The following OTOF variants were observed in gnomAD, a reference collection of about 807,000 sequenced individuals.
The protein encoded by OTOF is fer-1-like family member 2.
A neutral mutation model predicts 236.8 loss-of-function variants in OTOF; 218 were observed. The observed-to-expected ratio is 0.92, with a 90% confidence interval of 0.82 to 1.03. The LOEUF is 1.03. Among genes scored for constraint, OTOF ranks in the 50% least tolerant of loss-of-function variants. The pLI is 0.00. For synonymous variants in OTOF, 1,041 were observed against 1,072.5 expected (o/e 0.97, Z 0.57); for missense variants, 2,590 against 2,694.4 (o/e 0.96, Z 0.86).
rs1664663052 is a variant in OTOF, at chr2:26,465,039, G to C, written c.4800-10C>G. The C allele has an allele frequency of 6.8e-7, 1 of 1,463,818 alleles. No individual in the cohort carries two copies. Among genetic ancestry groups the C allele is most frequent in the East Asian group, 2.5e-5 (1 of 40,606 alleles). The allele number at this position is 1,463,818 out of a possible 1,614,324, so 90.7% of individuals were successfully genotyped here. Reference sequence around the variant, plus strand: ...GATATTGTAGCCATGTCTGTGGGAGGGGACACACAGGCTTGGAGGGGCTGG... The same window carrying C: ...GATATTGTAGCCATGTCTGTGGGAGCGGACACACAGGCTTGGAGGGGCTGG... On this transcript the variant is annotated splice_polypyrimidine_tract_variant and intron_variant, in intron 38 of 46. Transcript: ENST00000272371.
rs1237783638 is a variant in OTOF, at chr2:26,490,084, C to A, written c.898-344G>T. On this transcript the variant is annotated intron_variant, in intron 9 of 46. Transcript: ENST00000272371. ...CCTGGGTTCTAGTCCCCGCTCTGCA[C>A]CTTCTTAACTGTGTGGCCTTGAGCA... is the stretch of plus-strand genomic sequence containing the variant. Among the ~76,000 whole-genome samples the A allele has an allele frequency of 2.6e-5, 4 of 152,214 alleles. No individual in the cohort carries two copies. The East Asian group carries it at 7.7e-4, about 29-fold the overall frequency.
rs1665137084 is a variant in OTOF, at chr2:26,474,182, G to T, written c.3289-72C>A. The T allele has an allele frequency of 1.9e-6, 3 of 1,596,820 alleles. No individual in the cohort carries two copies. In the East Asian group the frequency reaches 6.7e-5, roughly 36 times the overall value. ...GGGTCTCTTTCCCCATGAGTTGTTT[G>T]CCATGATCTGGGGAGACAGGGAAAC... On this transcript the variant is annotated intron_variant, in intron 26 of 46. Coordinates refer to ENST00000272371, the MANE Select transcript of OTOF (RefSeq NM_194248.3).
intron 40 of OTOF, 43 bp downstream of exon 40, chr2:26,463,921 C>T: frequency 6.2e-7 from 1 of 1,613,056 alleles, no homozygotes; most frequent in East Asian, 2.2e-5. Flanking sequence ...GATCCCTGGT[C>T]CCCAATACCC....
At chr2:26,475,677 G>GTCC (rs1271379109) in intron 24 of OTOF, among the ~76,000 whole-genome samples, 184 bp from the exon 25 acceptor site, 1 of 152,168 alleles carries the variant, frequency 6.6e-6, no homozygotes, top group Non-Finnish European at 1.5e-5. Flanking sequence ...CCCTGCCAAT[G>GTCC]TCCTCCTTGT....
intron 18 of OTOF, among the ~76,000 whole-genome samples, chr2:26,478,784 C>T (rs375846064): frequency 5.3e-5 from 8 of 152,170 alleles, no homozygotes; most frequent in South Asian, 4.1e-4. Flanking sequence ...CTGCAAACTC[C>T]GCCTCACGGG....
chr2:26,497,136 T>C (rs1311549973), intron 8 of OTOF, among the ~76,000 whole-genome samples: 3 of 138,170 alleles, frequency 2.2e-5, no homozygotes, highest in East Asian at 4.5e-4. Context: ...AGAGTCTCAC[T>C]CTGTTGCCCC....
chr2:26,475,535 G>T (rs769077129), intron 24 of OTOF, 42 bp from the exon 25 acceptor site: 12 of 1,605,158 alleles, frequency 7.5e-6, no homozygotes, highest in East Asian at 6.7e-5. Flanking sequence ...GTGACAGAGG[G>T]GGGGGCAGAT....
At chr2:26,509,395 A>G (rs1056681543) in intron 5 of OTOF, among the ~76,000 whole-genome samples, 1 of 152,104 alleles carries the variant, frequency 6.6e-6, no homozygotes, top group Admixed American at 6.5e-5. Flanking sequence ...AAACTCCTCC[A>G]TCCTTCAGGT....
rs780570358 is a variant in OTOF at position 26,457,991 on chromosome 2, A to G, written c.*247T>C. On this transcript the variant is annotated 3_prime_UTR_variant, in exon 47 of 47. Coordinates refer to ENST00000272371, the MANE Select transcript of OTOF (RefSeq NM_194248.3). This position sits in a 1 kb window ranked among gnomAD's most constrained non-coding sequence, Gnocchi z 4.4. Reference sequence around the variant, plus strand: ...AGATGGGAAAGAGTCCAAGCCACTGAAAGGAAATGCGGCAGGGCTGGGGAG... The same window carrying G: ...AGATGGGAAAGAGTCCAAGCCACTGGAAGGAAATGCGGCAGGGCTGGGGAG... 3.2e-6 allele frequency: 5 copies of G among 1,569,112 alleles called. No homozygotes were observed. The highest frequency in any genetic ancestry group is 4.4e-6 in the Non-Finnish European group (5 of 1,147,846).
chr2:26,529,101 C>T (rs1032068379), intron 2 of OTOF, among the ~76,000 whole-genome samples: 6 of 152,082 alleles, frequency 3.9e-5, no homozygotes, highest in Admixed American at 3.3e-4. Context: ...CAGCAGGGGT[C>T]CCTGTCCCAC....
Position 26,480,905 on chromosome 2 carries a change from C to G in OTOF, c.1684G>C (p.Gly562Arg). The change falls in exon 15 of 47, where the codon GGT becomes CGT. Residue 562 changes from glycine (G) to arginine (R), a missense_variant. Physicochemically the swap from Gly to Arg is moderately radical, Grantham distance 125 (BLOSUM62 -2). Coordinates refer to ENST00000272371, the MANE Select transcript of OTOF (RefSeq NM_194248.3). ...HQDLNEGLGE[G>R]VSFRARLLLG... ...AGGAGCCGGGCCCGGAAGGACACACCCTCCCCCAGGCCCTCGTTCAGGTCC... is the reference window on the plus strand; with the variant it reads ...AGGAGCCGGGCCCGGAAGGACACACGCTCCCCCAGGCCCTCGTTCAGGTCC... 6.2e-7 allele frequency: 1 copy of G among 1,612,956 alleles called. No homozygotes were observed. Among genetic ancestry groups the G allele is most frequent in the Non-Finnish European group, 8.5e-7 (1 of 1,179,950 alleles).
At chr2:26,482,688 CACATGTGT>C in intron 13 of OTOF, 96 bp from the exon 14 acceptor site, 1 of 967,496 alleles carries the variant, frequency 1.0e-6, no homozygotes, top group East Asian at 2.6e-5. Context: ...CGTGAGTGGG[CACATGTGT>C]GCATGTGTGA....
intron 4 of OTOF, 24 bp downstream of exon 4, chr2:26,518,986 A>C (rs776930387): frequency 5.8e-6 from 9 of 1,551,850 alleles, no homozygotes; most frequent in South Asian, 4.6e-5. Context: ...GGGAAAGTCC[A>C]GGAACTCCGT....
intron 1 of OTOF, among the ~76,000 whole-genome samples, chr2:26,542,880 C>T (rs1045105600): frequency 4.6e-5 from 7 of 152,206 alleles, no homozygotes; most frequent in Non-Finnish European, 1.0e-4. Flanking sequence ...GTGATTTTGC[C>T]AGGGCCCAGC....
At chr2:26,497,529 A>C (rs1666018289) in intron 8 of OTOF, among the ~76,000 whole-genome samples, 1 of 152,232 alleles carries the variant, frequency 6.6e-6, no homozygotes, top group Non-Finnish European at 1.5e-5. Flanking sequence ...CATGAAAAAG[A>C]ATAACCACTA....
chr2:26,544,046 A>G (rs1391769437), intron 1 of OTOF, among the ~76,000 whole-genome samples: 1 of 152,230 alleles, frequency 6.6e-6, no homozygotes, highest in Non-Finnish European at 1.5e-5. Context: ...CCTTTAAGTT[A>G]TGTGCTAAAT....
intron 22 of OTOF, 67 bp from the exon 23 acceptor site, chr2:26,476,384 A>C: frequency 6.8e-7 from 1 of 1,474,474 alleles, no homozygotes; most frequent in South Asian, 1.2e-5. Context: ...GGGAAGGGGC[A>C]GGGGCCGGCA....
In OTOF at chr2:26,476,352, G is replaced by A. The variant is rs199922515; in HGVS notation, c.2677-35C>T. On this transcript the variant is annotated intron_variant, in intron 22 of 46. Coordinates refer to ENST00000272371, the MANE Select transcript of OTOF (RefSeq NM_194248.3). ...GGCATGGGGTCACCAGGAGCCTGAC[G>A]GCTGCCAGGGCCCAAGAGGTGGGGA... 2.1e-5 allele frequency: 34 copies of A among 1,589,050 alleles called. No individual in the cohort carries two copies. In the South Asian group the frequency reaches 2.3e-4, roughly 11 times the overall value.
At chr2:26,549,726 G>A (rs1667414302) in intron 1 of OTOF, among the ~76,000 whole-genome samples, 1 of 152,228 alleles carries the variant, frequency 6.6e-6, no homozygotes, top group Non-Finnish European at 1.5e-5. Context: ...GGGCAGGGAT[G>A]ATAAATCCCA....
Sources: allele counts gnomAD v4.1 joint callset (sites outside exome capture counted in the v4.1 genomes callset), GRCh38; gene constraint gnomAD v4.1.1; non-coding constraint Gnocchi (gnomAD v3.1); transcripts MANE v1.5; gene names NCBI Gene and HGNC (gene_info 2026-07-23, HGNC 2026-07-21).